Variants in CACHD1 observed in about 807,000 individuals in gnomAD.
CACHD1 encodes cache domain containing 1.
Under a neutral mutation model 138.7 loss-of-function variants are expected in CACHD1, and 71 were observed. The observed-to-expected ratio is 0.51, with a 90% CI of 0.42 to 0.62. CACHD1 has a LOEUF of 0.62. Among genes scored for constraint, CACHD1 ranks in the 20% least tolerant of loss-of-function variants. The pLI is 0.00. For missense variants in CACHD1, 1,389 were observed against 1,625.3 expected, an observed-to-expected ratio of 0.85 and a Z score of 2.50; for synonymous variants, 578 against 591.5, an observed-to-expected ratio of 0.98 and a Z score of 0.33.
chr1:64,483,796 A>C (rs903987179), intron 1 of CACHD1, among the ~76,000 whole-genome samples: 1 of 151,862 alleles, frequency 6.6e-6, no homozygotes, highest in African/African-American at 2.4e-5. Flanking sequence ...AAAATCCTGA[A>C]TTACTGGTGG....
chr1:64,582,101 A>G (rs1467520384), intron 2 of CACHD1, 55 bp from the exon 3 acceptor site: 54 of 1,579,460 alleles, frequency 3.4e-5, no homozygotes, highest in Non-Finnish European at 4.1e-5. Flanking sequence ...AGAAAAAAAT[A>G]CAATGAGTTA....
intron 1 of CACHD1, among the ~76,000 whole-genome samples, chr1:64,495,817 G>T (rs1270972763): frequency 1.3e-5 from 2 of 151,016 alleles, no homozygotes; most frequent in Non-Finnish European, 2.9e-5. Flanking sequence ...TTCAAGTTAT[G>T]GCTGTGTCTC....
At position 64,675,634 on chromosome 1, in the gene CACHD1, A is replaced by G. The variant is rs116037984; in HGVS notation, c.2888+73A>G. 8,028 of 1,514,096 alleles carry G rather than the reference A, an allele frequency of 5.3e-3. 42 individuals carry two copies. Among genetic ancestry groups the G allele is most frequent in the Middle Eastern group, 0.022 (123 of 5,698 alleles). The allele number at this position is 1,514,096 out of a possible 1,614,324, so 93.8% of individuals were successfully genotyped here. ...TTTCAACTGATGTCAGGCATTTTGA[A>G]GTGCAAAATAAACAGAAAGTGCTGG... On this transcript the variant is annotated intron_variant, in intron 20 of 26. Transcript: ENST00000651257.
chr1:64,632,808 T>C lies in CACHD1; in HGVS notation c.789+65T>C, dbSNP rs186766264. 7 of 1,571,690 alleles carry C rather than the reference T, an allele frequency of 4.5e-6. No homozygotes were observed. In the Admixed American group the frequency reaches 8.4e-5, roughly 19 times the overall value. Reference sequence around the variant, plus strand: ...CCTTGAATGCCTTTTTTAAAGTACTTTATTGTTTTGTGATATACAGATCCT... The same window carrying C: ...CCTTGAATGCCTTTTTTAAAGTACTCTATTGTTTTGTGATATACAGATCCT... On this transcript the variant is annotated intron_variant, in intron 6 of 26. Coordinates refer to ENST00000651257, the MANE Select transcript of CACHD1 (RefSeq NM_020925.4).
intron 14 of CACHD1, chr1:64,664,085 G>A (rs977273212): frequency 3.8e-6 from 2 of 528,604 alleles, no homozygotes; most frequent in Admixed American, 3.4e-5. Context: ...AGTGATGTTA[G>A]AGGGATGTGA....
chr1:64,602,117 G>C (rs1219306148), intron 3 of CACHD1, among the ~76,000 whole-genome samples: 3 of 152,118 alleles, frequency 2.0e-5, no homozygotes, highest in African/African-American at 7.2e-5. Flanking sequence ...TCTAGCTCTA[G>C]TACTAGCATT....
chr1:64,555,080 T>A (rs1646786288), intron 2 of CACHD1, among the ~76,000 whole-genome samples: 1 of 152,114 alleles, frequency 6.6e-6, no homozygotes, highest in Non-Finnish European at 1.5e-5. Context: ...CCTCCACCTT[T>A]GGGGCTCAAG....
intron 1 of CACHD1, among the ~76,000 whole-genome samples, chr1:64,543,537 C>T (rs1349785161): frequency 6.6e-6 from 1 of 151,520 alleles, no homozygotes; most frequent in Non-Finnish European, 1.5e-5. Flanking sequence ...GATCATGCTA[C>T]TGCACTCCAG....
At position 64,470,735 on chromosome 1, in the gene CACHD1, G is replaced by A; in HGVS notation, c.-10G>A. On this transcript the variant is annotated 5_prime_UTR_variant, in exon 1 of 27. Transcript: ENST00000651257. The surrounding 1 kb of genome is among the most constrained non-coding windows in gnomAD (Gnocchi z 5.2). The stretch of plus-strand genomic sequence containing the variant: ...CCGGAGCCCGTCGGCGGGGAGTGGG[G>A]GGAGGCAGCATGGCCCGCCAGCCGG... 1 of 594,800 alleles carries A rather than the reference G, an allele frequency of 1.7e-6. No individual in the cohort carries two copies. The highest frequency in any genetic ancestry group is 2.5e-5 in the South Asian group (1 of 40,486). The allele number at this position is 594,800 out of a possible 1,614,324, so 36.8% of individuals were successfully genotyped here.
At chr1:64,524,292 C>G (rs116611462) in intron 1 of CACHD1, among the ~76,000 whole-genome samples, 1 of 152,180 alleles carries the variant, frequency 6.6e-6, no homozygotes, top group South Asian at 2.1e-4. Context: ...TAAATAATGA[C>G]AAGCAAGTAT....
intron 10 of CACHD1, 149 bp downstream of exon 10, chr1:64,652,459 G>A: frequency 1.5e-6 from 1 of 673,736 alleles, no homozygotes; most frequent in Non-Finnish European, 2.4e-6. Context: ...ACACCGTAAA[G>A]ATGGCAGAGT....
At chr1:64,623,174 G>A (rs1456270588) in intron 4 of CACHD1, among the ~76,000 whole-genome samples, 1 of 152,090 alleles carries the variant, frequency 6.6e-6, no homozygotes, top group Non-Finnish European at 1.5e-5. Flanking sequence ...GGCCGAGGTG[G>A]GCAGATCACC....
At chr1:64,670,515 T>G (rs1359577908) in intron 16 of CACHD1, among the ~76,000 whole-genome samples, 1 of 151,938 alleles carries the variant, frequency 6.6e-6, no homozygotes, top group Non-Finnish European at 1.5e-5. Flanking sequence ...GTATGGGGAG[T>G]TCGTTGGTCA....
At chr1:64,471,767 C>G (rs1418033441) in intron 1 of CACHD1, among the ~76,000 whole-genome samples, 1 of 152,132 alleles carries the variant, frequency 6.6e-6, no homozygotes, top group Non-Finnish European at 1.5e-5. Flanking sequence ...TTTATCATGT[C>G]CGTCCTCCTC....
chr1:64,544,537 G>A (rs376463413), intron 1 of CACHD1, among the ~76,000 whole-genome samples: 49 of 152,176 alleles, frequency 3.2e-4, no homozygotes, highest in South Asian at 2.7e-3. Context: ...GATGGAGAGA[G>A]GGAAGGACTA....
chr1:64,593,711 T>A (rs1316101097), intron 3 of CACHD1, among the ~76,000 whole-genome samples: 1 of 152,228 alleles, frequency 6.6e-6, no homozygotes, highest in African/African-American at 2.4e-5. Flanking sequence ...GCCGACTAAA[T>A]GTTACTGATA....
At chr1:64,672,287 T>C (rs558647631) in intron 17 of CACHD1, among the ~76,000 whole-genome samples, 2 of 152,302 alleles carry the variant, frequency 1.3e-5, no homozygotes, top group East Asian at 3.9e-4. Context: ...CAAACTGATA[T>C]CACTAATGTA....
intron 3 of CACHD1, among the ~76,000 whole-genome samples, chr1:64,585,606 T>C (rs1217950564): frequency 6.6e-6 from 1 of 152,194 alleles, no homozygotes; most frequent in African/African-American, 2.4e-5. Flanking sequence ...GGGGTGGATA[T>C]TGGAAAACCA....
chr1:64,564,036 TA>T (rs1570369894), intron 2 of CACHD1, among the ~76,000 whole-genome samples: 1 of 152,166 alleles, frequency 6.6e-6, no homozygotes, highest in African/African-American at 2.4e-5. Context: ...CCCAAAATAT[TA>T]CTTTGAACTG....
Sources: gnomAD v4.1 joint callset for allele counts (sites outside exome capture counted in the v4.1 genomes callset) on GRCh38, gnomAD v4.1.1 for gene constraint, Gnocchi (gnomAD v3.1) non-coding constraint, MANE v1.5 for transcripts, NCBI Gene and HGNC (gene_info 2026-07-23, HGNC 2026-07-21) for gene names.